Variants in UBE2E1 observed in about 807,000 individuals in gnomAD.
UBE2E1 encodes ubiquitin-conjugating enzyme E2 E1.
A neutral mutation model predicts 21.4 loss-of-function variants in UBE2E1; 6 were observed. That is an observed-to-expected ratio of 0.28 (90% CI 0.15 to 0.55). UBE2E1 has a LOEUF of 0.55. Ranked by LOEUF, UBE2E1 falls within the 20% of genes least tolerant of loss-of-function variation. The probability of loss-of-function intolerance (pLI) is 0.93; values close to 1 mark genes in which losing one functional copy is unlikely to be tolerated. For missense variants in UBE2E1, 142 were observed against 236.5 expected (o/e 0.60, Z 2.62); for synonymous variants, 87 against 82.7 (o/e 1.05, Z -0.28).
In UBE2E1 at chr3:23,807,162, T is replaced by A. The variant is rs1018523491; in HGVS notation, c.-33-75T>A. 9 of 1,335,408 alleles carry A rather than the reference T, an allele frequency of 6.7e-6. No individual in the cohort carries two copies. In the Admixed American group the frequency reaches 1.9e-4, roughly 28 times the overall value. 82.7% of individuals were successfully genotyped at this position (1,335,408 alleles called of 1,614,324 possible). A position where few individuals can be genotyped will look rare whatever the true frequency, so the allele number is the denominator to read the frequency against. On this transcript the variant is annotated intron_variant, in intron 1 of 5. Coordinates refer to ENST00000306627, the MANE Select transcript of UBE2E1 (RefSeq NM_003341.5). ...CGTGCGCCCCTGGTCAATGCCCTCCTGACAGCACCCGAGTTCCTTATTTAC... is the reference window on the plus strand; with the variant it reads ...CGTGCGCCCCTGGTCAATGCCCTCCAGACAGCACCCGAGTTCCTTATTTAC...
Position 23,863,611 on chromosome 3 carries a change from A to T in UBE2E1, c.204-23956A>T, listed in dbSNP as rs61645368. Among the ~76,000 whole-genome samples, 6 of 151,874 alleles carry T rather than the reference A, an allele frequency of 4.0e-5. No homozygotes were observed. Among genetic ancestry groups the T allele is most frequent in the Admixed American group, 2.6e-4 (4 of 15,252 alleles). On this transcript the variant is annotated intron_variant, in intron 3 of 5. Coordinates refer to ENST00000306627, the MANE Select transcript of UBE2E1 (RefSeq NM_003341.5). The surrounding 1 kb of genome is among the most constrained non-coding windows in gnomAD (Gnocchi z 4.3). ...AGTGGCGCGATCTCAACTCACCGCA[A>T]CCTCCGCCTTCTGGGTTCAAGTGAT...
At chr3:23,889,868 C>T (rs1465859150) in intron 5 of UBE2E1, 11 of 552,282 alleles carry the variant, frequency 2.0e-5, no homozygotes, top group Admixed American at 1.3e-4. Context: ...GCATTCCAGC[C>T]TGGGTGGCAA....
At chr3:23,837,504 A>C (rs1030819121) in intron 3 of UBE2E1, among the ~76,000 whole-genome samples, 25 of 152,170 alleles carry the variant, frequency 1.6e-4, no homozygotes, top group African/African-American at 6.0e-4. Context: ...GAGAGGAGGG[A>C]CTGAATTTTG....
chr3:23,841,067 A>G (rs760300945), intron 3 of UBE2E1, among the ~76,000 whole-genome samples: 8 of 152,214 alleles, frequency 5.3e-5, no homozygotes, highest in Admixed American at 1.3e-4. Flanking sequence ...TAGTCGTTAG[A>G]AAACAATACT....
Position 23,807,585 on chromosome 3 carries a change from G to C in UBE2E1, c.152+164G>C, listed in dbSNP as rs1365216032. 4.4e-5 allele frequency: 37 copies of C among 832,058 alleles called. No homozygotes were observed. In the East Asian group the frequency reaches 1.1e-3, roughly 24 times the overall value. The allele number at this position is 832,058 out of a possible 1,614,324, so 51.5% of individuals were successfully genotyped here. A position where few individuals can be genotyped will look rare whatever the true frequency, so the allele number is the denominator to read the frequency against. ...AGCCCTAATTATTTTCTCTATTGCT[G>C]CTTCTGTTTTTAAATCATTGCTCAC... On this transcript the variant is annotated intron_variant, in intron 2 of 5. Transcript: ENST00000306627.
At chr3:23,885,568 A>T (rs563375574) in intron 3 of UBE2E1, among the ~76,000 whole-genome samples, 1 of 152,240 alleles carries the variant, frequency 6.6e-6, no homozygotes, top group East Asian at 1.9e-4. Flanking sequence ...GACAATGTTT[A>T]AAAAATCTCT....
At chr3:23,838,321 C>T (rs1700012149) in intron 3 of UBE2E1, among the ~76,000 whole-genome samples, 1 of 152,146 alleles carries the variant, frequency 6.6e-6, no homozygotes, top group South Asian at 2.1e-4. Flanking sequence ...CCCTCCTAGG[C>T]CTTCCAAAGT....
In UBE2E1 at chr3:23,887,417, G is replaced by A; in HGVS notation, c.204-150G>A. ...GACCAATGGCTATGGGTTTGTTGCA[G>A]TTCTGCATCCGTTTCTGTACTTGTT... is the stretch of plus-strand genomic sequence containing the variant. On this transcript the variant is annotated intron_variant, in intron 3 of 5. Transcript: ENST00000306627. This position sits in a 1 kb window ranked among gnomAD's most constrained non-coding sequence, Gnocchi z 4.4. 1 of 1,107,442 alleles carries A rather than the reference G, an allele frequency of 9.0e-7. No homozygotes were observed. Among genetic ancestry groups the A allele is most frequent in the Non-Finnish European group, 1.2e-6 (1 of 817,178 alleles). The allele number at this position is 1,107,442 out of a possible 1,614,324, so 68.6% of individuals were successfully genotyped here.
At chr3:23,809,184 A>G (rs1699336917) in intron 2 of UBE2E1, among the ~76,000 whole-genome samples, 1 of 152,196 alleles carries the variant, frequency 6.6e-6, no homozygotes, top group African/African-American at 2.4e-5. Context: ...TTTGCAATGA[A>G]TTTAGCTCCT....
In UBE2E1 at chr3:23,823,096, T is replaced by C. The variant is rs1699679846; in HGVS notation, c.203+11586T>C. Among the ~76,000 whole-genome samples the C allele has an allele frequency of 6.6e-6, 1 of 152,152 alleles. No homozygotes were observed. The highest frequency in any genetic ancestry group is 1.5e-5 in the Non-Finnish European group (1 of 68,012). ...TCCTGACCTTGTGATCCACCTGCCTTGGCCTCCCAAAGTGCTGGGATTACA... is the reference window on the plus strand; with the variant it reads ...TCCTGACCTTGTGATCCACCTGCCTCGGCCTCCCAAAGTGCTGGGATTACA... On this transcript the variant is annotated intron_variant, in intron 3 of 5. Coordinates refer to ENST00000306627, the MANE Select transcript of UBE2E1 (RefSeq NM_003341.5). The surrounding 1 kb of genome is among the most constrained non-coding windows in gnomAD (Gnocchi z 4.2).
At chr3:23,844,139 C>G (rs777303780) in intron 3 of UBE2E1, among the ~76,000 whole-genome samples, 2 of 152,106 alleles carry the variant, frequency 1.3e-5, no homozygotes, top group African/African-American at 2.4e-5. Context: ...CTACAGCTAG[C>G]TAGCCTAGTG....
chr3:23,813,812 G>A (rs1444170955), intron 3 of UBE2E1, among the ~76,000 whole-genome samples: 2 of 152,310 alleles, frequency 1.3e-5, no homozygotes, highest in African/African-American at 2.4e-5. Context: ...AAGTGCTGGG[G>A]TTACGGGCGT....
chr3:23,874,643 GT>G (rs1022514910), intron 3 of UBE2E1, among the ~76,000 whole-genome samples: 5 of 152,106 alleles, frequency 3.3e-5, no homozygotes, highest in African/African-American at 1.2e-4. Context: ...GTCCTGACTC[GT>G]TTTTTCTAAC....
At chr3:23,845,589 C>CTCTGTGTGTGTGTGTG (rs1553637998) in intron 3 of UBE2E1, among the ~76,000 whole-genome samples, 102 of 121,336 alleles carry the variant, frequency 8.4e-4, no homozygotes, top group African/African-American at 2.6e-3. Flanking sequence ...CTCTCTCTCT[C>CTCTGTGTGTGTGTGTG]TGTGTGTGTG....
chr3:23,881,797 C>T (rs1427242613), intron 3 of UBE2E1, among the ~76,000 whole-genome samples: 2 of 152,276 alleles, frequency 1.3e-5, no homozygotes, highest in Non-Finnish European at 2.9e-5. Context: ...ATGGTGTATC[C>T]GGAGTTTGTT....
At chr3:23,877,289 C>A (rs1298487756) in intron 3 of UBE2E1, among the ~76,000 whole-genome samples, 1 of 152,058 alleles carries the variant, frequency 6.6e-6, no homozygotes, top group Non-Finnish European at 1.5e-5. Flanking sequence ...ATATATTGAT[C>A]CTTTTTTGGT....
At chr3:23,878,575 A>G (rs1468445714) in intron 3 of UBE2E1, among the ~76,000 whole-genome samples, 1 of 152,234 alleles carries the variant, frequency 6.6e-6, no homozygotes, top group Non-Finnish European at 1.5e-5. Flanking sequence ...GCCACTGCCC[A>G]TGGCTTGCAT....
At chr3:23,811,126 G>C in intron 2 of UBE2E1, 3 of 354,244 alleles carry the variant, frequency 8.5e-6, no homozygotes, top group Middle Eastern at 8.0e-4. Context: ...GAGAGGTGCA[G>C]GGGAGGGACT....
chr3:23,824,438 CTCT>C (rs1208404204), intron 3 of UBE2E1, among the ~76,000 whole-genome samples: 2 of 152,158 alleles, frequency 1.3e-5, no homozygotes, highest in African/African-American at 4.8e-5. Flanking sequence ...TTACTTTCTC[CTCT>C]TTTCTCCAGA....
Sources: allele counts gnomAD v4.1 joint callset (sites outside exome capture counted in the v4.1 genomes callset), GRCh38; gene constraint gnomAD v4.1.1; non-coding constraint Gnocchi (gnomAD v3.1); transcripts MANE v1.5; gene names NCBI Gene and HGNC (gene_info 2026-07-23, HGNC 2026-07-21).